GRIN2B: variants seen among roughly 807,000 people sequenced by gnomAD.
The protein encoded by GRIN2B is glutamate ionotropic receptor NMDA type subunit 2B.
GRIN2B carries 5 observed loss-of-function variants against 114.5 expected under a neutral mutation model. The observed-to-expected ratio is 0.04, with a 90% CI of 0.02 to 0.09. The LOEUF is 0.09. GRIN2B is among the 10% of genes least tolerant of loss of function. The probability of loss-of-function intolerance (pLI) is 1.00; values close to 1 mark genes in which losing one functional copy is unlikely to be tolerated. For synonymous variants in GRIN2B, 787 were observed against 745.1 expected (o/e 1.06, Z -0.92); for missense variants, 1,108 against 1,943.5 (o/e 0.57, Z 8.08).
At chr12:13,842,324 T>C (rs1483785256) in intron 3 of GRIN2B, among the ~76,000 whole-genome samples, 3 of 152,196 alleles carry the variant, frequency 2.0e-5, no homozygotes, top group African/African-American at 7.2e-5. Flanking sequence ...ACCAGCAGTT[T>C]TGATATGCAT....
chr12:13,589,864 A>G (rs1948982169), intron 10 of GRIN2B, among the ~76,000 whole-genome samples: 2 of 152,186 alleles, frequency 1.3e-5, no homozygotes, highest in African/African-American at 4.8e-5. Context: ...GCCTCTCCCA[A>G]ACTCACATCT....
intron 3 of GRIN2B, among the ~76,000 whole-genome samples, chr12:13,835,771 T>TAAAAAAAA (rs1165005583): frequency 8.7e-5 from 8 of 91,470 alleles, no homozygotes; most frequent in Non-Finnish European, 1.2e-4. Flanking sequence ...CATAGCACAT[T>TAAAAAAAA]AAAAAAAAAA....
chr12:13,607,293 TAAA>T (rs67320809), intron 10 of GRIN2B, among the ~76,000 whole-genome samples: 1 of 58,106 alleles, frequency 1.7e-5, no homozygotes, highest in African/African-American at 8.6e-5. Context: ...ATATATTATA[TAAA>T]AATATATATT....
chr12:13,846,353 T>C (rs1565560554), intron 3 of GRIN2B, among the ~76,000 whole-genome samples: 2 of 152,218 alleles, frequency 1.3e-5, no homozygotes, highest in Non-Finnish European at 2.9e-5. Flanking sequence ...TTTAAAAATA[T>C]TAGCCCTACT....
At chr12:13,583,600 G>A (rs151182448) in intron 10 of GRIN2B, among the ~76,000 whole-genome samples, 16 of 152,244 alleles carry the variant, frequency 1.1e-4, no homozygotes, top group Middle Eastern at 6.8e-3. Flanking sequence ...GAAGGGCTAC[G>A]GAAGTTTAGA....
At chr12:13,608,287 G>A (rs928221848) in intron 10 of GRIN2B, among the ~76,000 whole-genome samples, 1 of 152,142 alleles carries the variant, frequency 6.6e-6, no homozygotes, top group Admixed American at 6.5e-5. Flanking sequence ...CCCCACATGG[G>A]CAGCCCTGTG....
chr12:13,734,277 A>G, intron 4 of GRIN2B, among the ~76,000 whole-genome samples: 1 of 152,226 alleles, frequency 6.6e-6, no homozygotes, highest in Non-Finnish European at 1.5e-5. Flanking sequence ...CAAGCTAATG[A>G]GGATAGTGAC....
At chr12:13,646,145 T>C (rs1006117749) in intron 5 of GRIN2B, among the ~76,000 whole-genome samples, 1 of 152,142 alleles carries the variant, frequency 6.6e-6, no homozygotes, top group Non-Finnish European at 1.5e-5. Context: ...GAGGTAGTGA[T>C]AGGAAGTTTC....
In GRIN2B at chr12:13,753,296, T is replaced by C. The variant is rs1386841817; in HGVS notation, c.1010+21A>G. 2 of 1,309,700 alleles carry C rather than the reference T, an allele frequency of 1.5e-6. No homozygotes were observed. Among genetic ancestry groups the C allele is most frequent in the Non-Finnish European group, 2.2e-6 (2 of 902,164 alleles). The allele number at this position is 1,309,700 out of a possible 1,614,324, so 81.1% of individuals were successfully genotyped here. On this transcript the variant is annotated intron_variant, in intron 4 of 13. Coordinates refer to ENST00000609686, the MANE Select transcript of GRIN2B (RefSeq NM_000834.5). The surrounding 1 kb of genome is among the most constrained non-coding windows in gnomAD (Gnocchi z 6.2). ...TCCCCTCTCATCTCCACCATCAATG[T>C]GCCCTCTGTTCCACACTCACCTATT...
At chr12:13,905,521 C>A (rs1245300308) in intron 2 of GRIN2B, among the ~76,000 whole-genome samples, 1 of 152,114 alleles carries the variant, frequency 6.6e-6, no homozygotes, top group Non-Finnish European at 1.5e-5. Context: ...ATTCCAAAGT[C>A]TGGAGAATGT....
intron 2 of GRIN2B, among the ~76,000 whole-genome samples, chr12:13,892,002 T>C (rs998690279): frequency 2.6e-5 from 4 of 152,240 alleles, no homozygotes; most frequent in African/African-American, 9.6e-5. Context: ...GCACTTCTTT[T>C]ACACCAGGCA....
At chr12:13,707,827 T>C (rs1950374654) in intron 4 of GRIN2B, among the ~76,000 whole-genome samples, 1 of 152,084 alleles carries the variant, frequency 6.6e-6, no homozygotes, top group Non-Finnish European at 1.5e-5. Context: ...AAAGAAGGAA[T>C]GAAAGCAACA....
rs1370699132 is a variant in GRIN2B, at chr12:13,758,940, G to A, written c.412-5025C>T. 4.8e-5 allele frequency among the ~76,000 whole-genome samples: 7 copies of A among 147,230 alleles called. No homozygotes were observed. In the East Asian group the frequency reaches 6.1e-4, roughly 13 times the overall value. Reference sequence around the variant, plus strand: ...TGTTCATTGTATTAATATTGTAGACGTTTTATTTACTGGGTGGGAGAGTAA... The same window carrying A: ...TGTTCATTGTATTAATATTGTAGACATTTTATTTACTGGGTGGGAGAGTAA... On this transcript the variant is annotated intron_variant, in intron 3 of 13. Coordinates refer to ENST00000609686, the MANE Select transcript of GRIN2B (RefSeq NM_000834.5).
At chr12:13,601,464 G>T (rs1422781535) in intron 10 of GRIN2B, among the ~76,000 whole-genome samples, 2 of 151,840 alleles carry the variant, frequency 1.3e-5, no homozygotes, top group African/African-American at 4.8e-5. Flanking sequence ...TGTCTACCTG[G>T]ATAGTCCAGG....
At chr12:13,690,242 C>T (rs1008246146) in intron 4 of GRIN2B, among the ~76,000 whole-genome samples, 12 of 151,472 alleles carry the variant, frequency 7.9e-5, no homozygotes, top group African/African-American at 2.9e-4. Flanking sequence ...TCCCATGCTA[C>T]TTCCTCACTT....
At chr12:13,905,766 C>T (rs987761358) in intron 2 of GRIN2B, among the ~76,000 whole-genome samples, 2 of 152,166 alleles carry the variant, frequency 1.3e-5, no homozygotes, top group African/African-American at 4.8e-5. Flanking sequence ...ATATAGCTTA[C>T]AAGTATTCTG....
chr12:13,888,672 T>G (rs1036568800), intron 2 of GRIN2B, among the ~76,000 whole-genome samples: 1 of 150,748 alleles, frequency 6.6e-6, no homozygotes, highest in African/African-American at 2.4e-5. Flanking sequence ...AGGTGGAGGT[T>G]GTAGAGAGCC....
rs532456881 is a variant in GRIN2B, at chr12:13,976,279, A to G, written c.-19+3649T>C. On this transcript the variant is annotated intron_variant, in intron 2 of 13. Transcript: ENST00000609686. ...ATAAATGCGAACAATTCATTAGACC[A>G]GTAACTCTTTTGATCTATATTTATT... 5.3e-5 allele frequency among the ~76,000 whole-genome samples: 8 copies of G among 152,370 alleles called. No homozygotes were observed. The East Asian group carries it at 1.5e-3, about 29-fold the overall frequency.
intron 3 of GRIN2B, among the ~76,000 whole-genome samples, chr12:13,760,603 A>C (rs1236978741): frequency 6.6e-6 from 1 of 152,220 alleles, no homozygotes; most frequent in East Asian, 1.9e-4. Flanking sequence ...TCTTGAGGAC[A>C]ATCTGTGTCT....
Sources: gnomAD v4.1 joint callset for allele counts (sites outside exome capture counted in the v4.1 genomes callset) on GRCh38, gnomAD v4.1.1 for gene constraint, Gnocchi (gnomAD v3.1) non-coding constraint, MANE v1.5 for transcripts, NCBI Gene and HGNC (gene_info 2026-07-23, HGNC 2026-07-21) for gene names.